Variants in GDPD3 observed in about 807,000 individuals in gnomAD.
The protein encoded by GDPD3 is glycerophosphodiester phosphodiesterase domain containing 3, also known as lysophospholipase D GDPD3.
GDPD3 carries 40 observed loss-of-function variants against 43.7 expected under a neutral mutation model. That is an observed-to-expected ratio of 0.91 (90% CI 0.71 to 1.19). GDPD3 has a LOEUF of 1.19. GDPD3 is among the 50% of genes most tolerant of loss of function. The probability of loss-of-function intolerance (pLI) is 0.00; values close to 1 mark genes in which losing one functional copy is unlikely to be tolerated. For missense variants in GDPD3, 363 were observed against 415.8 expected (o/e 0.87, Z 1.11); for synonymous variants, 145 against 162.9 (o/e 0.89, Z 0.84).
In GDPD3 at chr16:30,112,007, C is replaced by T. The variant is rs963169816; in HGVS notation, c.573+125G>A. 1.2e-5 allele frequency: 8 copies of T among 692,444 alleles called. No individual in the cohort carries two copies. The highest frequency in any genetic ancestry group is 2.7e-5 in the East Asian group (1 of 37,404). 42.9% of individuals were successfully genotyped at this position (692,444 alleles called of 1,614,324 possible). On this transcript the variant is annotated intron_variant, in intron 6 of 9. Coordinates refer to ENST00000406256, the MANE Select transcript of GDPD3 (RefSeq NM_024307.3). The surrounding 1 kb of genome is among the most constrained non-coding windows in gnomAD (Gnocchi z 5.4). Reference sequence around the variant, plus strand: ...GAGTTCACACCCTTTTCATTGCCACCGCCACGCCACTGGGAACTCTCCCAG... The same window carrying T: ...GAGTTCACACCCTTTTCATTGCCACTGCCACGCCACTGGGAACTCTCCCAG...
chr16:30,106,788 C>A (rs920688483), intron 9 of GDPD3, among the ~76,000 whole-genome samples: 1 of 151,974 alleles, frequency 6.6e-6, no homozygotes, highest in African/African-American at 2.4e-5. Context: ...CTCACTATAG[C>A]CTCCAGCTCC....
chr16:30,113,246 C>T lies in GDPD3; in HGVS notation c.139+94G>A. The T allele has an allele frequency of 8.1e-6, 12 of 1,487,418 alleles. No individual in the cohort carries two copies. Among genetic ancestry groups the T allele is most frequent in the Non-Finnish European group, 1.1e-5 (12 of 1,100,280 alleles). The allele number at this position is 1,487,418 out of a possible 1,614,324, so 92.1% of individuals were successfully genotyped here. On this transcript the variant is annotated intron_variant, in intron 1 of 9. Coordinates refer to ENST00000406256, the MANE Select transcript of GDPD3 (RefSeq NM_024307.3). This position sits in a 1 kb window ranked among gnomAD's most constrained non-coding sequence, Gnocchi z 5.9. ...TGCCCTGCCACTTCGCTCTCCTTCT[C>T]TCTTGGTCCCTGCCCCGTTTCTAGC...
intron 7 of GDPD3, 51 bp from the exon 8 acceptor site, chr16:30,108,483 G>A (rs1009998467): frequency 6.3e-7 from 1 of 1,576,282 alleles, no homozygotes; most frequent in African/African-American, 1.4e-5. Context: ...CCCTGTCCCA[G>A]AGGTGGGGTG....
At position 30,112,821 on chromosome 16, in the gene GDPD3, A is replaced by T; in HGVS notation, c.183-28T>A. ...GTGGGGGTGAAGGTCAGCGGGGGGC[A>T]GGGGCAGGGGACTGGGATGAGGGGC... On this transcript the variant is annotated intron_variant, in intron 2 of 9. Transcript: ENST00000406256. This position sits in a 1 kb window ranked among gnomAD's most constrained non-coding sequence, Gnocchi z 5.4. 1.3e-6 allele frequency: 2 copies of T among 1,596,756 alleles called. No homozygotes were observed. The highest frequency in any genetic ancestry group is 1.7e-6 in the Non-Finnish European group (2 of 1,174,336).
rs527932891 is a variant in GDPD3 at position 30,109,066 on chromosome 16, G to A, written c.708-634C>T. Among the ~76,000 whole-genome samples, 188 of 152,038 alleles carry A rather than the reference G, an allele frequency of 1.2e-3. 5 individuals are homozygous for A. The highest frequency in any genetic ancestry group is 2.9e-4 in the Non-Finnish European group (20 of 68,006). On this transcript the variant is annotated intron_variant, in intron 7 of 9. Coordinates refer to ENST00000406256, the MANE Select transcript of GDPD3 (RefSeq NM_024307.3). ...AGGATGGTCTCGATCTCCTGACTTT[G>A]TGATCCGCCCGCCTTGGCCTCCCAA...
Position 30,107,986 on chromosome 16 carries a change from G to GACAC in GDPD3, c.819+223_819+226dup, listed in dbSNP as rs113091799. On this transcript the variant is annotated intron_variant, in intron 9 of 9. Coordinates refer to ENST00000406256, the MANE Select transcript of GDPD3 (RefSeq NM_024307.3). ...GCCTGGGTGACAGAGTGAGACTCTT[G>GACAC]ACACACACACACACACACACACACA... 5.7e-3 allele frequency: 1,521 copies of GACAC among 268,970 alleles called. 8 individuals carry two copies. Among genetic ancestry groups the GACAC allele is most frequent in the South Asian group, 0.016 (174 of 11,016 alleles). 16.7% of individuals were successfully genotyped at this position (268,970 alleles called of 1,614,324 possible).
chr16:30,109,678 G>T (rs542297784), intron 7 of GDPD3, among the ~76,000 whole-genome samples: 1 of 151,728 alleles, frequency 6.6e-6, no homozygotes, highest in African/African-American at 2.4e-5. Flanking sequence ...GGTGGTGCAT[G>T]CCTGTAATGC....
intron 7 of GDPD3, among the ~76,000 whole-genome samples, chr16:30,109,201 A>G (rs141305120): frequency 0.088 from 13,345 of 152,138 alleles, 770 homozygotes; most frequent in African/African-American, 0.15. Flanking sequence ...GACTCAAGCA[A>G]TCCTCCCGCT....
In GDPD3 at chr16:30,104,828, T is replaced by C. The variant is rs765991079; in HGVS notation, c.*44A>G. On this transcript the variant is annotated 3_prime_UTR_variant, in exon 10 of 10. Coordinates refer to ENST00000406256, the MANE Select transcript of GDPD3 (RefSeq NM_024307.3). ...AACGATGTGATCGAAAGGCAAATAT[T>C]TATTTTTCAGGAAGAGAAACAGGAG... 38 of 1,602,068 alleles carry C rather than the reference T, an allele frequency of 2.4e-5. No homozygotes were observed. The highest frequency in any genetic ancestry group is 3.0e-5 in the Non-Finnish European group (35 of 1,171,792).
Position 30,113,390 on chromosome 16 carries a change from T to G in GDPD3, c.89A>C (p.His30Pro). 6.2e-7 allele frequency: 1 copy of G among 1,612,234 alleles called. No homozygotes were observed. Among genetic ancestry groups the G allele is most frequent in the Non-Finnish European group, 8.5e-7 (1 of 1,178,914 alleles). ...IFFLRRPHLL[H>P]TPRAPTFRIR... ...GCGGAAGGTGGGAGCCCTGGGCGTG[T>G]GCAGCAGATGAGGCCGGCGCAGGAA... Residue 30 changes from histidine to proline, a missense_variant, in exon 1 of 10, where the codon CAC becomes CCC. Physicochemically the swap from His to Pro is moderately conservative, Grantham distance 77 (BLOSUM62 -2). Transcript: ENST00000406256. The surrounding 1 kb of genome is among the most constrained non-coding windows in gnomAD (Gnocchi z 5.9).
At chr16:30,108,870 C>G (rs894381195) in intron 7 of GDPD3, among the ~76,000 whole-genome samples, 7 of 150,910 alleles carry the variant, frequency 4.6e-5, no homozygotes, top group Admixed American at 1.3e-4. Context: ...CTTGCTCTGT[C>G]GCCCAGGCTG....
chr16:30,112,258 C>G lies in GDPD3; in HGVS notation c.484-37G>C, dbSNP rs370096628. The G allele has an allele frequency of 3.7e-5, 59 of 1,611,256 alleles. No homozygotes were observed. In the African/African-American group the frequency reaches 3.9e-4, roughly 11 times the overall value. On this transcript the variant is annotated intron_variant, in intron 5 of 9. Transcript: ENST00000406256. The surrounding 1 kb of genome is among the most constrained non-coding windows in gnomAD (Gnocchi z 5.4). ...AGAAGGAGGTGAAGGGAGAGCCAGGCCTCTCTCACGCCCCCGGTGGCCGCC... is the reference window on the plus strand; with the variant it reads ...AGAAGGAGGTGAAGGGAGAGCCAGGGCTCTCTCACGCCCCCGGTGGCCGCC...
At chr16:30,108,465 A>G (rs1258087712) in intron 7 of GDPD3, 33 bp from the exon 8 acceptor site, 2 of 1,605,938 alleles carry the variant, frequency 1.2e-6, no homozygotes, top group Admixed American at 3.3e-5. Context: ...GTTAGCTCCT[A>G]GGGTCTCCCC....
Position 30,112,213 on chromosome 16 carries a change from G to A in GDPD3, c.492C>T (p.Gly164=), listed in dbSNP as rs772592979. 2 of 1,613,958 alleles carry A rather than the reference G, an allele frequency of 1.2e-6. No individual in the cohort carries two copies. Among genetic ancestry groups the A allele is most frequent in the Non-Finnish European group, 1.7e-6 (2 of 1,179,992 alleles). The stretch of plus-strand genomic sequence containing the variant: ...CATTACGGTCATAGCGTCTCACCAA[G>A]CCTGCTATCTGGGAGGAGGAGAAGG... The part of the protein sequence containing the change: ...KNEELIREIA[G]LVRRYDRNEI... The change falls in exon 6 of 10, where the codon GGC becomes GGT. Residue 164 remains glycine (G), a synonymous_variant. Coordinates refer to ENST00000406256, the MANE Select transcript of GDPD3 (RefSeq NM_024307.3). This position sits in a 1 kb window ranked among gnomAD's most constrained non-coding sequence, Gnocchi z 5.4.
chr16:30,112,168 C>G lies in GDPD3; in HGVS notation c.537G>C (p.Ser179=), dbSNP rs548222497. 2.9e-5 allele frequency: 47 copies of G among 1,613,968 alleles called. No individual in the cohort carries two copies. The highest frequency in any genetic ancestry group is 1.0e-4 in the Admixed American group (6 of 59,978). Residue 179 remains serine, a synonymous_variant, in exon 6 of 10, where the codon TCG becomes TCC. Coordinates refer to ENST00000406256, the MANE Select transcript of GDPD3 (RefSeq NM_024307.3). The surrounding 1 kb of genome is among the most constrained non-coding windows in gnomAD (Gnocchi z 5.4). The part of the protein sequence containing the change: ...YDRNEITIWA[S]EKSSVMKKCK... ...ATTTCTTCATGACCGAGCTCTTCTC[C>G]GAGGCCCAGATGGTGATTTCATTAC...
intron 9 of GDPD3, among the ~76,000 whole-genome samples, chr16:30,106,694 G>A (rs988413339): frequency 6.6e-6 from 1 of 151,928 alleles, no homozygotes; most frequent in Non-Finnish European, 1.5e-5. Context: ...ACCATGCCCA[G>A]TTAATATTTT....
At chr16:30,110,952 C>G (rs1039737451) in intron 7 of GDPD3, 1 of 152,470 alleles carries the variant, frequency 6.6e-6, no homozygotes, top group African/African-American at 2.4e-5. Context: ...CCAGCTGTTA[C>G]TTTGTTAACC....
chr16:30,109,376 G>A (rs2072884153), intron 7 of GDPD3, among the ~76,000 whole-genome samples: 1 of 152,192 alleles, frequency 6.6e-6, no homozygotes, highest in Non-Finnish European at 1.5e-5. Flanking sequence ...CGGGCGTGGT[G>A]GCAGACCCTG....
chr16:30,112,919 C>G lies in GDPD3; in HGVS notation c.182+103G>C. 3.4e-6 allele frequency: 5 copies of G among 1,473,192 alleles called. No individual in the cohort carries two copies. In the South Asian group the frequency reaches 5.7e-5, roughly 17 times the overall value. The allele number at this position is 1,473,192 out of a possible 1,614,324, so 91.3% of individuals were successfully genotyped here. A position where few individuals can be genotyped will look rare whatever the true frequency, so the allele number is the denominator to read the frequency against. On this transcript the variant is annotated intron_variant, in intron 2 of 9. Coordinates refer to ENST00000406256, the MANE Select transcript of GDPD3 (RefSeq NM_024307.3). The surrounding 1 kb of genome is among the most constrained non-coding windows in gnomAD (Gnocchi z 5.4). ...GGATGTGCAGGCCACCTCCAGGGGG[C>G]GCCAGTCACCCAGCTAGGAAGTGAA...
Sources: allele counts gnomAD v4.1 joint callset (sites outside exome capture counted in the v4.1 genomes callset), GRCh38; gene constraint gnomAD v4.1.1; non-coding constraint Gnocchi (gnomAD v3.1); transcripts MANE v1.5; gene names NCBI Gene and HGNC (gene_info 2026-07-23, HGNC 2026-07-21).